The following NRCAM variants were observed in gnomAD, a reference collection of about 807,000 sequenced individuals.
NRCAM encodes the protein NgCAM-related cell adhesion molecule.
NRCAM carries 83 observed loss-of-function variants against 156.5 expected under a neutral mutation model. The ratio of observed to expected loss-of-function variants is 0.53; its 90% CI spans 0.44 to 0.64. The LOEUF (loss-of-function observed/expected upper bound fraction) is 0.64. NRCAM is among the 30% of genes least tolerant of loss of function. NRCAM has a pLI of 0.00. For synonymous variants in NRCAM, 538 were observed against 563.9 expected, an observed-to-expected ratio of 0.95 and a Z score of 0.65; for missense variants, 1,417 against 1,597.3, an observed-to-expected ratio of 0.89 and a Z score of 1.92.
intron 3 of NRCAM, among the ~76,000 whole-genome samples, chr7:108,262,484 C>A (rs1307405443): frequency 1.3e-5 from 2 of 152,134 alleles, no homozygotes; most frequent in Non-Finnish European, 2.9e-5. Flanking sequence ...GATAACTCAT[C>A]CAAGACCACA....
intron 32 of NRCAM, among the ~76,000 whole-genome samples, chr7:108,152,306 A>G (rs2042127598): frequency 6.6e-6 from 1 of 151,948 alleles, no homozygotes; most frequent in African/African-American, 2.4e-5. Flanking sequence ...AGCAAGGTGA[A>G]TAGTTGGAGG....
intron 1 of NRCAM, among the ~76,000 whole-genome samples, chr7:108,452,587 C>T (rs977988616): frequency 1.3e-5 from 2 of 152,138 alleles, no homozygotes; most frequent in Admixed American, 1.3e-4. Context: ...AGGGATGCTT[C>T]AGGTAGGGAA....
chr7:108,276,813 G>A (rs1563071906), intron 3 of NRCAM, among the ~76,000 whole-genome samples: 1 of 152,174 alleles, frequency 6.6e-6, no homozygotes, highest in Admixed American at 6.5e-5. Context: ...ATTAATTGAT[G>A]CAGTTTCTTC....
At chr7:108,162,708 A>G (rs917022302) in intron 30 of NRCAM, among the ~76,000 whole-genome samples, 2 of 152,234 alleles carry the variant, frequency 1.3e-5, no homozygotes, top group Non-Finnish European at 2.9e-5. Flanking sequence ...CTCTGTGTCT[A>G]AAGAAAAAAG....
At chr7:108,342,606 G>A (rs555685128) in intron 2 of NRCAM, among the ~76,000 whole-genome samples, 9 of 152,332 alleles carry the variant, frequency 5.9e-5, no homozygotes, top group African/African-American at 1.7e-4. Flanking sequence ...TGCCAACGGG[G>A]CAAGACTTTC....
chr7:108,330,083 G>C (rs533490026), intron 2 of NRCAM, among the ~76,000 whole-genome samples: 1 of 152,200 alleles, frequency 6.6e-6, no homozygotes, highest in African/African-American at 2.4e-5. Flanking sequence ...ACAGAAACCA[G>C]GTTAGACACT....
chr7:108,298,640 G>A lies in NRCAM; in HGVS notation c.-107+14025C>T, dbSNP rs377692763. Reference sequence around the variant, plus strand: ...TGTACTCCAGCCTGGGTAACACAGCGAGACTCCATCTCAAAAAAAACCAAA... The same window carrying A: ...TGTACTCCAGCCTGGGTAACACAGCAAGACTCCATCTCAAAAAAAACCAAA... On this transcript the variant is annotated intron_variant, in intron 3 of 32. Transcript: ENST00000379028. Among the ~76,000 whole-genome samples, 18 of 149,168 alleles carry A rather than the reference G, an allele frequency of 1.2e-4. No homozygotes were observed. The East Asian group carries it at 1.6e-3, about 13-fold the overall frequency.
intron 28 of NRCAM, among the ~76,000 whole-genome samples, chr7:108,174,179 A>G (rs1378115662): frequency 6.6e-6 from 1 of 152,254 alleles, no homozygotes; most frequent in Non-Finnish European, 1.5e-5. Context: ...AGAAATTTTG[A>G]ATTTTTACAA....
chr7:108,390,442 A>C (rs540098763), intron 2 of NRCAM, among the ~76,000 whole-genome samples: 5 of 151,624 alleles, frequency 3.3e-5, no homozygotes, highest in Non-Finnish European at 5.9e-5. Context: ...TTTTTATTGC[A>C]TCTATTTGAT....
chr7:108,237,682 A>G (rs1423442774), intron 5 of NRCAM, 70 bp downstream of exon 5: 7 of 1,178,220 alleles, frequency 5.9e-6, no homozygotes, highest in Non-Finnish European at 8.3e-6. Flanking sequence ...TTAAATCACA[A>G]TATTAATTCA....
At chr7:108,374,084 T>C (rs1215612653) in intron 2 of NRCAM, among the ~76,000 whole-genome samples, 1 of 152,074 alleles carries the variant, frequency 6.6e-6, no homozygotes. Context: ...TTGCCATGCA[T>C]ATTAGAGAAA....
At position 108,185,987 on chromosome 7, in the gene NRCAM, G is replaced by A. The variant is rs117590639; in HGVS notation, c.2036-1373C>T. ...TGTGGCCAGAGGAGCTGGGAGACAG[G>A]GGCGGGAGGAAGACATATTTTTCAG... On this transcript the variant is annotated intron_variant, in intron 20 of 32. Transcript: ENST00000379028. 6.1e-3 allele frequency among the ~76,000 whole-genome samples: 934 copies of A among 152,246 alleles called. 5 individuals carry two copies. The highest frequency in any genetic ancestry group is 9.8e-3 in the Non-Finnish European group (667 of 68,010).
intron 25 of NRCAM, chr7:108,178,454 A>G: frequency 2.7e-6 from 1 of 374,614 alleles, no homozygotes; most frequent in Non-Finnish European, 5.1e-6. Context: ...TACCAAGTGA[A>G]ACTATTCTAA....
intron 3 of NRCAM, among the ~76,000 whole-genome samples, chr7:108,255,676 A>C (rs1392160348): frequency 7.1e-6 from 1 of 140,676 alleles, no homozygotes; most frequent in Non-Finnish European, 1.5e-5. Flanking sequence ...ATCGTCTGAG[A>C]TGTGGGGAGC....
intron 1 of NRCAM, among the ~76,000 whole-genome samples, chr7:108,426,878 C>G (rs890553877): frequency 3.3e-5 from 5 of 152,218 alleles, no homozygotes; most frequent in African/African-American, 1.2e-4. Context: ...TGGCAGTTTA[C>G]TATTCCTTGA....
intron 1 of NRCAM, among the ~76,000 whole-genome samples, chr7:108,417,630 A>C (rs1803258789): frequency 6.6e-6 from 1 of 152,208 alleles, no homozygotes; most frequent in Admixed American, 6.5e-5. Context: ...TTGGGAGTTC[A>C]TGTCATAATG....
At chr7:108,358,335 G>A (rs1257887694) in intron 2 of NRCAM, among the ~76,000 whole-genome samples, 1 of 151,986 alleles carries the variant, frequency 6.6e-6, no homozygotes, top group Non-Finnish European at 1.5e-5. Flanking sequence ...AGCCAGGGAG[G>A]TCGAGGCTGC....
chr7:108,226,955 C>T (rs1048560375), intron 8 of NRCAM, among the ~76,000 whole-genome samples: 13 of 152,218 alleles, frequency 8.5e-5, no homozygotes, highest in Non-Finnish European at 1.8e-4. Context: ...GTGATGATGA[C>T]ACTATTTATT....
intron 1 of NRCAM, among the ~76,000 whole-genome samples, chr7:108,454,336 G>T (rs1460654225): frequency 6.6e-6 from 1 of 152,144 alleles, no homozygotes; most frequent in Non-Finnish European, 1.5e-5. Flanking sequence ...CCTCCAAAAG[G>T]CCACAGTCTC....
Sources: gnomAD v4.1 joint callset for allele counts (sites outside exome capture counted in the v4.1 genomes callset) on GRCh38, gnomAD v4.1.1 for gene constraint, MANE v1.5 for transcripts, NCBI Gene and HGNC (gene_info 2026-07-23, HGNC 2026-07-21) for gene names.